Variants in NRXN1 observed in about 807,000 individuals in gnomAD.
NRXN1 encodes neurexin-1.
Under a neutral mutation model 150.9 loss-of-function variants are expected in NRXN1, and 39 were observed. The observed-to-expected ratio is 0.26, with a 90% CI of 0.20 to 0.34. NRXN1 has a LOEUF of 0.34. NRXN1 is among the 10% of genes least tolerant of loss of function. The pLI, the probability that NRXN1 is intolerant of heterozygous loss-of-function variation, is 1.00. For synonymous variants in NRXN1, 924 were observed against 757.0 expected (o/e 1.22, Z -3.62); for missense variants, 1,815 against 1,949.9 (o/e 0.93, Z 1.30).
At chr2:50,469,157 T>C (rs1416966920) in intron 16 of NRXN1, among the ~76,000 whole-genome samples, 2 of 151,638 alleles carry the variant, frequency 1.3e-5, no homozygotes, top group East Asian at 1.9e-4. Context: ...CTCAGATCTA[T>C]TGAATTAGAA....
At chr2:50,261,369 T>A (rs2068259736) in intron 17 of NRXN1, among the ~76,000 whole-genome samples, 1 of 151,826 alleles carries the variant, frequency 6.6e-6, no homozygotes, top group Admixed American at 6.6e-5. Context: ...GAGAGATTCA[T>A]TTTCTCCTGG....
intron 5 of NRXN1, among the ~76,000 whole-genome samples, chr2:50,635,151 C>T (rs865919991): frequency 6.6e-6 from 1 of 150,488 alleles, no homozygotes; most frequent in East Asian, 1.9e-4. Context: ...GTTGCTGGTA[C>T]AGATTAAATT....
chr2:50,386,052 AT>A (rs2081305936), intron 17 of NRXN1, among the ~76,000 whole-genome samples: 1 of 151,940 alleles, frequency 6.6e-6, no homozygotes, highest in Admixed American at 6.6e-5. Context: ...TGATATACAA[AT>A]GTCTACATAG....
intron 5 of NRXN1, among the ~76,000 whole-genome samples, chr2:50,666,866 G>C (rs1688100460): frequency 1.1e-5 from 1 of 88,822 alleles, no homozygotes; most frequent in Non-Finnish European, 2.4e-5. Context: ...TGATGATGAT[G>C]ATGATGATGA....
At chr2:50,349,706 G>C (rs866195609) in intron 17 of NRXN1, among the ~76,000 whole-genome samples, 5 of 152,058 alleles carry the variant, frequency 3.3e-5, no homozygotes, top group African/African-American at 9.7e-5. Context: ...ATTTAATGTT[G>C]GTGTTCTTTA....
chr2:50,900,220 C>G (rs955313185), intron 5 of NRXN1, among the ~76,000 whole-genome samples: 1 of 152,190 alleles, frequency 6.6e-6, no homozygotes, highest in African/African-American at 2.4e-5. Flanking sequence ...GGCCTAGTGT[C>G]CACAACATGT....
Position 50,613,603 on chromosome 2 carries a change from T to C in NRXN1, c.1320+6419A>G, listed in dbSNP as rs114057246. On this transcript the variant is annotated intron_variant, in intron 8 of 22. Coordinates refer to ENST00000401669, the MANE Select transcript of NRXN1 (RefSeq NM_001330078.2). ...GAAGGGACTTCTTTGCATTTTCTCA[T>C]AGGCTATTAATCTTGCGGGCATTAG... is the stretch of plus-strand genomic sequence containing the variant. Among the ~76,000 whole-genome samples, 432 of 152,306 alleles carry C rather than the reference T, an allele frequency of 2.8e-3. 1 individual carries two copies. Among genetic ancestry groups the C allele is most frequent in the African/African-American group, 9.8e-3 (408 of 41,572 alleles).
chr2:49,924,700 A>G (rs183083137), intron 22 of NRXN1, among the ~76,000 whole-genome samples: 2 of 152,326 alleles, frequency 1.3e-5, no homozygotes, highest in Admixed American at 1.3e-4. Context: ...AAATATCTCT[A>G]CACAAAACCC....
intron 17 of NRXN1, among the ~76,000 whole-genome samples, chr2:50,435,750 A>T (rs2085364494): frequency 1.3e-5 from 2 of 152,166 alleles, no homozygotes; most frequent in South Asian, 4.1e-4. Context: ...GGAGCTAAAC[A>T]TTGAGAACAC....
At chr2:50,488,759 C>G (rs2091050241) in intron 15 of NRXN1, among the ~76,000 whole-genome samples, 1 of 152,290 alleles carries the variant, frequency 6.6e-6, no homozygotes, top group Non-Finnish European at 1.5e-5. Context: ...GCTAGGAAAA[C>G]CCTGAAGATT....
At chr2:50,820,655 G>T (rs951951495) in intron 5 of NRXN1, among the ~76,000 whole-genome samples, 2 of 152,108 alleles carry the variant, frequency 1.3e-5, no homozygotes, top group African/African-American at 4.8e-5. Context: ...GTGACCCTGG[G>T]ATGTAGACAG....
At chr2:51,031,096 G>T (rs1165306085) in intron 1 of NRXN1, among the ~76,000 whole-genome samples, 2 of 151,936 alleles carry the variant, frequency 1.3e-5, no homozygotes, top group Non-Finnish European at 1.5e-5. Context: ...GAGGTTAACT[G>T]GTTTTCCCAG....
chr2:50,135,958 C>A (rs1268518585), intron 18 of NRXN1, among the ~76,000 whole-genome samples: 12 of 152,132 alleles, frequency 7.9e-5, no homozygotes, highest in Admixed American at 7.2e-4. Flanking sequence ...ATGTAGATGT[C>A]AAACATACCA....
intron 12 of NRXN1, among the ~76,000 whole-genome samples, chr2:50,520,761 T>C (rs77793777): frequency 6.6e-6 from 1 of 152,062 alleles, no homozygotes; most frequent in African/African-American, 2.4e-5. Flanking sequence ...TTCTACAATT[T>C]TTATTTATTG....
At chr2:50,874,670 CAACAGGAG>C (rs1181690756) in intron 5 of NRXN1, among the ~76,000 whole-genome samples, 1 of 151,456 alleles carries the variant, frequency 6.6e-6, no homozygotes, top group Non-Finnish European at 1.5e-5. Context: ...CTTTTACTTC[CAACAGGAG>C]AATTCTTAGT....
At chr2:50,267,863 G>C (rs1043241037) in intron 17 of NRXN1, among the ~76,000 whole-genome samples, 1 of 152,010 alleles carries the variant, frequency 6.6e-6, no homozygotes, top group African/African-American at 2.4e-5. Context: ...AGAAGAGAGA[G>C]ATCCAGAGGT....
At chr2:50,888,476 AGTAACC>A (rs1680591438) in intron 5 of NRXN1, among the ~76,000 whole-genome samples, 1 of 151,512 alleles carries the variant, frequency 6.6e-6, no homozygotes, top group Non-Finnish European at 1.5e-5. Flanking sequence ...AAATTAGCCA[AGTAACC>A]TGGAGAGTTA....
At chr2:50,332,109 AC>A (rs200241560) in intron 17 of NRXN1, among the ~76,000 whole-genome samples, 1,840 of 152,294 alleles carry the variant, frequency 0.012, 35 homozygotes, top group African/African-American at 0.042. Flanking sequence ...CTATCGAGGT[AC>A]TAAGAAATGA....
intron 15 of NRXN1, among the ~76,000 whole-genome samples, chr2:50,478,675 T>A (rs1220991275): frequency 3.3e-5 from 5 of 152,226 alleles, no homozygotes; most frequent in Non-Finnish European, 5.9e-5. Flanking sequence ...TTTAGGCGTG[T>A]CCTGAATTTC....
Sources: gnomAD v4.1 joint callset for allele counts (sites outside exome capture counted in the v4.1 genomes callset) on GRCh38, gnomAD v4.1.1 for gene constraint, MANE v1.5 for transcripts, NCBI Gene and HGNC (gene_info 2026-07-23, HGNC 2026-07-21) for gene names.